The following NLGN1 variants were observed in gnomAD, a reference collection of about 807,000 sequenced individuals.
NLGN1 encodes the protein neuroligin-1.
In NLGN1, 12 loss-of-function variants were observed where a neutral mutation model predicts 65.5. The observed-to-expected ratio is 0.18, with a 90% CI of 0.12 to 0.30. NLGN1 has a LOEUF of 0.30. Among genes scored for constraint, NLGN1 ranks in the 10% least tolerant of loss-of-function variants. The probability of loss-of-function intolerance (pLI) is 1.00; values close to 1 mark genes in which losing one functional copy is unlikely to be tolerated. For synonymous variants in NLGN1, 350 were observed against 359.5 expected, an observed-to-expected ratio of 0.97 and a Z score of 0.30; for missense variants, 750 against 1,007.1, an observed-to-expected ratio of 0.74 and a Z score of 3.46.
chr3:173,448,124 A>G (rs1012218075), intron 2 of NLGN1, among the ~76,000 whole-genome samples: 4 of 152,154 alleles, frequency 2.6e-5, no homozygotes, highest in Non-Finnish European at 5.9e-5. Flanking sequence ...GAGAGAGGGC[A>G]TCCCTGTCTT....
chr3:173,503,712 A>G lies in NLGN1; in HGVS notation c.-321+68634A>G, dbSNP rs116644607. ...ATATTATCTTTTTGAGGCCACCTGAAGATAGTTTATTAATTTGTTGGTTTA... is the reference window on the plus strand; with the variant it reads ...ATATTATCTTTTTGAGGCCACCTGAGGATAGTTTATTAATTTGTTGGTTTA... On this transcript the variant is annotated intron_variant, in intron 2 of 6. Coordinates refer to ENST00000457714, the Ensembl canonical transcript of NLGN1. Among the ~76,000 whole-genome samples the G allele has an allele frequency of 4.1e-3, 626 of 152,160 alleles. 6 individuals are homozygous for G. The highest frequency in any genetic ancestry group is 0.014 in the African/African-American group (592 of 41,538).
intron 4 of NLGN1, among the ~76,000 whole-genome samples, chr3:174,203,048 G>A (rs947988751): frequency 6.6e-6 from 1 of 152,014 alleles, no homozygotes; most frequent in Non-Finnish European, 1.5e-5. Context: ...GTCATTGAAA[G>A]GTACCTGACC....
At chr3:173,895,537 G>C (rs904908466) in intron 4 of NLGN1, among the ~76,000 whole-genome samples, 1 of 152,148 alleles carries the variant, frequency 6.6e-6, no homozygotes, top group African/African-American at 2.4e-5. Context: ...CGACTTCCCA[G>C]TGTCAGAGAC....
chr3:173,605,185 C>A, intron 3 of NLGN1, 94 bp downstream of exon 2: 1 of 1,037,574 alleles, frequency 9.6e-7, no homozygotes, highest in South Asian at 1.7e-5. Context: ...TGGTAGTATG[C>A]ATGGCTTTTC....
intron 2 of NLGN1, among the ~76,000 whole-genome samples, chr3:173,539,788 A>G (rs1459572031): frequency 1.0e-5 from 1 of 99,208 alleles, no homozygotes. Context: ...ATATATATGT[A>G]CATATATACA....
chr3:173,815,270 G>GC (rs1450553014), intron 4 of NLGN1, among the ~76,000 whole-genome samples: 1 of 151,646 alleles, frequency 6.6e-6, no homozygotes, highest in Non-Finnish European at 1.5e-5. Flanking sequence ...ACCACACCCG[G>GC]CTAATTTTTT....
intron 4 of NLGN1, among the ~76,000 whole-genome samples, chr3:173,953,205 A>G (rs1335547208): frequency 6.6e-6 from 1 of 152,232 alleles, no homozygotes; most frequent in Non-Finnish European, 1.5e-5. Context: ...TTAAACATGT[A>G]AGTGACTGTC....
chr3:174,196,991 T>TA (rs1230164864), intron 4 of NLGN1, among the ~76,000 whole-genome samples: 8 of 151,392 alleles, frequency 5.3e-5, no homozygotes, highest in Admixed American at 2.0e-4. Context: ...GTGCTTTCAA[T>TA]AAATATTTAA....
intron 1 of NLGN1, among the ~76,000 whole-genome samples, chr3:173,415,219 G>A (rs1322825669): frequency 2.6e-5 from 4 of 152,168 alleles, no homozygotes; most frequent in African/African-American, 9.7e-5. Context: ...CTGGACCTTT[G>A]AGCAAGGCTT....
chr3:173,720,205 G>A (rs891495140), intron 3 of NLGN1, among the ~76,000 whole-genome samples: 1 of 152,124 alleles, frequency 6.6e-6, no homozygotes, highest in African/African-American at 2.4e-5. Flanking sequence ...CCTGAATGTG[G>A]TAAACAAAAT....
At chr3:173,462,569 C>T (rs1723590342) in intron 2 of NLGN1, among the ~76,000 whole-genome samples, 1 of 152,108 alleles carries the variant, frequency 6.6e-6, no homozygotes, top group Non-Finnish European at 1.5e-5. Context: ...ACTCCACCAC[C>T]TTCTCCCCTG....
chr3:174,079,106 G>A (rs11712657), intron 4 of NLGN1, among the ~76,000 whole-genome samples: 37,979 of 151,788 alleles, frequency 0.25, 6,771 homozygotes, highest in African/African-American at 0.51. Flanking sequence ...CAGACAACCT[G>A]CAGAATGGGA....
At chr3:173,684,990 A>G (rs9809489) in intron 3 of NLGN1, among the ~76,000 whole-genome samples, 8,120 of 151,172 alleles carry the variant, frequency 0.054, 526 homozygotes, top group African/African-American at 0.14. Context: ...TTTCGTACTG[A>G]TAGATTTTAA....
chr3:173,868,184 A>T (rs1483468971), intron 4 of NLGN1, among the ~76,000 whole-genome samples: 2 of 152,134 alleles, frequency 1.3e-5, no homozygotes, highest in Non-Finnish European at 2.9e-5. Flanking sequence ...TAGTGGGCTG[A>T]TTACTTAGTG....
intron 4 of NLGN1, among the ~76,000 whole-genome samples, chr3:173,932,297 T>G (rs1040459469): frequency 6.6e-6 from 1 of 152,160 alleles, no homozygotes; most frequent in African/African-American, 2.4e-5. Context: ...TAGTTTTCAG[T>G]TTTTTCCTTA....
chr3:173,449,273 C>T (rs1192882007), intron 2 of NLGN1, among the ~76,000 whole-genome samples: 3 of 152,060 alleles, frequency 2.0e-5, no homozygotes, highest in Admixed American at 6.5e-5. Context: ...TCTTTGTTCT[C>T]GTTGGTTTCA....
intron 2 of NLGN1, among the ~76,000 whole-genome samples, chr3:173,461,533 C>T (rs1723389901): frequency 6.6e-6 from 1 of 151,980 alleles, no homozygotes; most frequent in South Asian, 2.1e-4. Flanking sequence ...CATCAGCTGA[C>T]CTCCATTCTG....
At chr3:173,432,833 A>G (rs1225539041) in intron 1 of NLGN1, among the ~76,000 whole-genome samples, 2 of 152,134 alleles carry the variant, frequency 1.3e-5, no homozygotes, top group African/African-American at 4.8e-5. Context: ...ATCTTTTAGA[A>G]GTCTCATTTC....
chr3:174,098,199 TC>T, intron 4 of NLGN1, among the ~76,000 whole-genome samples: 1 of 152,238 alleles, frequency 6.6e-6, no homozygotes, highest in East Asian at 1.9e-4. Context: ...TGGGACTATT[TC>T]CTTTGAGAGT....
Sources: allele counts gnomAD v4.1 joint callset (sites outside exome capture counted in the v4.1 genomes callset), GRCh38; gene constraint gnomAD v4.1.1; transcripts MANE v1.5; gene names NCBI Gene and HGNC (gene_info 2026-07-23, HGNC 2026-07-21).